PTPRJ: variants seen among roughly 807,000 people sequenced by gnomAD.
PTPRJ encodes receptor-type tyrosine-protein phosphatase eta.
Under a neutral mutation model 141.3 loss-of-function variants are expected in PTPRJ, and 129 were observed. The observed-to-expected ratio is 0.91, with a 90% CI of 0.79 to 1.06. The LOEUF (loss-of-function observed/expected upper bound fraction) is 1.06, where lower values mean the gene tolerates loss of function less well. Ranked by LOEUF, PTPRJ falls within the 50% of genes least tolerant of loss-of-function variation. The pLI is 0.00. For synonymous variants in PTPRJ, 610 were observed against 640.5 expected (o/e 0.95, Z 0.72); for missense variants, 1,601 against 1,679.7 (o/e 0.95, Z 0.82).
chr11:48,126,609 C>T (rs558160879), intron 6 of PTPRJ, among the ~76,000 whole-genome samples: 31 of 151,974 alleles, frequency 2.0e-4, no homozygotes, highest in African/African-American at 6.3e-4. Context: ...GGGGTGAGGG[C>T]GTGGTTTCTC....
intron 10 of PTPRJ, 110 bp downstream of exon 10, chr11:48,137,391 G>T (rs1857130170): frequency 1.6e-6 from 2 of 1,250,638 alleles, no homozygotes; most frequent in Admixed American, 2.3e-5. Context: ...GTGCAGTGAT[G>T]GACATTGAGC....
In PTPRJ at chr11:48,152,036, T is replaced by A. The variant is rs374217659; in HGVS notation, c.3139-1760T>A. Among the ~76,000 whole-genome samples the A allele has an allele frequency of 4.6e-5, 7 of 152,364 alleles. No individual in the cohort carries two copies. In the South Asian group the frequency reaches 8.3e-4, roughly 18 times the overall value. On this transcript the variant is annotated intron_variant, in intron 18 of 24. Transcript: ENST00000418331. ...GGAATCACCACATTGTCTTCCACAA[T>A]GGTTGAACTAGTTTACAGTCCCAAC...
In PTPRJ at chr11:48,125,114, T is replaced by TA; in HGVS notation, c.1022dup (p.Tyr341Ter). 6.2e-7 allele frequency: 1 copy of TA among 1,614,012 alleles called. No homozygotes were observed. The highest frequency in any genetic ancestry group is 8.5e-7 in the Non-Finnish European group (1 of 1,180,006). Residue 341 changes from tyrosine to a stop codon, truncating the protein, a stop_gained and frameshift_variant, in exon 6 of 25, where the codon TAC becomes TAAC. Transcript: ENST00000418331. LOFTEE classifies it high-confidence loss of function. Reference sequence around the variant, plus strand: ...TGTCGGGTTAGAGCCTGGCACCCGATACAATGCCACCGTTTATTCCCAAGC... The same window carrying TA: ...TGTCGGGTTAGAGCCTGGCACCCGATAACAATGCCACCGTTTATTCCCAAGC... ...LLVGLEPGTR[Y>*]NATVYSQAAN... is the part of the protein sequence containing the mutation.
At chr11:48,076,560 A>C (rs577434213) in intron 1 of PTPRJ, among the ~76,000 whole-genome samples, 2 of 151,970 alleles carry the variant, frequency 1.3e-5, no homozygotes, top group South Asian at 4.2e-4. Context: ...TTTAGTATTG[A>C]GAAAGTACCA....
chr11:48,116,938 T>G (rs1856579298), intron 3 of PTPRJ, among the ~76,000 whole-genome samples: 1 of 152,248 alleles, frequency 6.6e-6, no homozygotes, highest in Non-Finnish European at 1.5e-5. Context: ...CATAACCTCC[T>G]TCATGAAATT....
intron 1 of PTPRJ, among the ~76,000 whole-genome samples, chr11:48,076,494 C>A (rs1027255236): frequency 2.6e-5 from 4 of 152,140 alleles, no homozygotes; most frequent in Non-Finnish European, 4.4e-5. Flanking sequence ...TTCAAAGGGG[C>A]CTTCTTCCCT....
chr11:48,055,190 TA>T (rs528706449), intron 1 of PTPRJ, among the ~76,000 whole-genome samples: 7 of 144,730 alleles, frequency 4.8e-5, no homozygotes, highest in Non-Finnish European at 7.6e-5. Context: ...CATCTCTAAA[TA>T]AAAAAAAAAT....
chr11:48,053,260 ATATAT>A (rs1332685051), intron 1 of PTPRJ, among the ~76,000 whole-genome samples: 104 of 86,066 alleles, frequency 1.2e-3, no homozygotes, highest in East Asian at 4.9e-3. Flanking sequence ...AATATATATA[ATATAT>A]TATATAAATA....
At chr11:48,151,910 T>C (rs574212127) in intron 18 of PTPRJ, among the ~76,000 whole-genome samples, 18 of 152,340 alleles carry the variant, frequency 1.2e-4, no homozygotes, top group African/African-American at 2.6e-4. Flanking sequence ...TAAACATACA[T>C]GTGCATGTGT....
At chr11:47,993,990 A>G (rs1854265696) in intron 1 of PTPRJ, among the ~76,000 whole-genome samples, 1 of 151,716 alleles carries the variant, frequency 6.6e-6, no homozygotes. Flanking sequence ...CCTCCTGAGT[A>G]GCTGGGACTA....
intron 1 of PTPRJ, among the ~76,000 whole-genome samples, chr11:47,987,667 G>C (rs1008353027): frequency 6.6e-6 from 1 of 152,222 alleles, no homozygotes; most frequent in Admixed American, 6.5e-5. Context: ...ATCCCTGAAA[G>C]TGGTGAATAT....
intron 3 of PTPRJ, among the ~76,000 whole-genome samples, chr11:48,114,003 A>G (rs1052430068): frequency 4.6e-5 from 7 of 152,206 alleles, no homozygotes; most frequent in African/African-American, 1.4e-4. Flanking sequence ...TGTTGTTGGG[A>G]AGGTAGATTA....
intron 1 of PTPRJ, among the ~76,000 whole-genome samples, chr11:48,029,337 A>G (rs914949818): frequency 6.6e-6 from 1 of 152,240 alleles, no homozygotes; most frequent in African/African-American, 2.4e-5. Context: ...AAAAAATGAA[A>G]TGATCAAGGT....
chr11:48,039,262 C>G, intron 1 of PTPRJ, among the ~76,000 whole-genome samples: 1 of 151,260 alleles, frequency 6.6e-6, no homozygotes, highest in Non-Finnish European at 1.5e-5. Context: ...AACACTATTT[C>G]TTTAATCCTT....
At chr11:48,005,964 GC>G (rs1854610304) in intron 1 of PTPRJ, among the ~76,000 whole-genome samples, 1 of 152,262 alleles carries the variant, frequency 6.6e-6, no homozygotes, top group African/African-American at 2.4e-5. Context: ...GCAGCCACCT[GC>G]CCCTGCTGGG....
chr11:47,998,918 C>G (rs1282400118), intron 1 of PTPRJ, among the ~76,000 whole-genome samples: 1 of 152,172 alleles, frequency 6.6e-6, no homozygotes, highest in Non-Finnish European at 1.5e-5. Context: ...GGAAATACAG[C>G]AAGAGCCTTC....
intron 1 of PTPRJ, among the ~76,000 whole-genome samples, chr11:48,032,817 A>T (rs1854017923): frequency 6.6e-6 from 1 of 152,222 alleles, no homozygotes; most frequent in Admixed American, 6.5e-5. Flanking sequence ...TTCAGCGTGC[A>T]CAATTTATTC....
At chr11:48,097,107 G>A (rs1349860721) in intron 1 of PTPRJ, among the ~76,000 whole-genome samples, 8 of 152,152 alleles carry the variant, frequency 5.3e-5, no homozygotes, top group South Asian at 2.1e-4. Flanking sequence ...GTCTCAGGCC[G>A]GTCCACAGAC....
chr11:48,131,503 T>A, intron 8 of PTPRJ: 1 of 775,730 alleles, frequency 1.3e-6, no homozygotes, highest in Non-Finnish European at 2.4e-6. Flanking sequence ...AATAAAATAT[T>A]TCTACAGGAT....
Sources: gnomAD v4.1 joint callset for allele counts (sites outside exome capture counted in the v4.1 genomes callset) on GRCh38, gnomAD v4.1.1 for gene constraint, MANE v1.5 for transcripts, NCBI Gene and HGNC (gene_info 2026-07-23, HGNC 2026-07-21) for gene names.